The following MACROD1 variants were observed in gnomAD, a reference collection of about 807,000 sequenced individuals.
MACROD1 encodes the protein ADP-ribose glycohydrolase MACROD1.
MACROD1 carries 31 observed loss-of-function variants against 41.4 expected under a neutral mutation model. The ratio of observed to expected loss-of-function variants is 0.75; its 90% confidence interval spans 0.56 to 1.01. The LOEUF (loss-of-function observed/expected upper bound fraction) is 1.01. Ranked by LOEUF, MACROD1 falls within the 50% of genes least tolerant of loss-of-function variation. MACROD1 has a pLI of 0.00. For synonymous variants in MACROD1, 252 were observed against 203.4 expected (o/e 1.24, Z -2.03); for missense variants, 473 against 460.0 (o/e 1.03, Z -0.26).
intron 1 of MACROD1, among the ~76,000 whole-genome samples, chr11:64,159,061 C>T (rs547263163): frequency 2.6e-5 from 4 of 152,168 alleles, no homozygotes; most frequent in Admixed American, 2.6e-4. Context: ...GGGGCTCACA[C>T]CTGTAATTCC....
At chr11:64,149,805 C>T (rs996136780) in intron 3 of MACROD1, among the ~76,000 whole-genome samples, 14 of 152,262 alleles carry the variant, frequency 9.2e-5, no homozygotes, top group Non-Finnish European at 1.5e-4. Context: ...TCCAGGCCAG[C>T]CCCTCCTGGG....
chr11:64,098,006 C>A (rs900308665), intron 3 of MACROD1, among the ~76,000 whole-genome samples: 1 of 152,142 alleles, frequency 6.6e-6, no homozygotes, highest in Non-Finnish European at 1.5e-5. Context: ...CCCAAGTTGG[C>A]CCCTTCCCTT....
chr11:64,119,687 A>G (rs1256154330), intron 3 of MACROD1, among the ~76,000 whole-genome samples: 2 of 152,112 alleles, frequency 1.3e-5, no homozygotes, highest in African/African-American at 4.8e-5. Context: ...CTTGAGAGGG[A>G]GAGACCAGAT....
intron 3 of MACROD1, among the ~76,000 whole-genome samples, chr11:64,025,505 A>G (rs578001): frequency 0.48 from 73,496 of 152,066 alleles, 18,101 homozygotes; most frequent in South Asian, 0.64. Flanking sequence ...ACAAAACAGC[A>G]GAAGCCCCCT....
intron 3 of MACROD1, among the ~76,000 whole-genome samples, chr11:64,114,258 G>GGATT (rs199690741): frequency 5.7e-4 from 85 of 149,912 alleles, no homozygotes; most frequent in Admixed American, 2.9e-3. Flanking sequence ...ATGGTTAGGT[G>GGATT]GATGGATGGA....
chr11:64,097,429 G>A (rs1222074130), intron 3 of MACROD1, among the ~76,000 whole-genome samples: 2 of 152,368 alleles, frequency 1.3e-5, no homozygotes, highest in African/African-American at 4.8e-5. Flanking sequence ...CGTCCTGGGC[G>A]AGTGGGCCCC....
intron 3 of MACROD1, among the ~76,000 whole-genome samples, chr11:64,042,670 A>G (rs879829675): frequency 3.3e-5 from 5 of 152,136 alleles, no homozygotes; most frequent in Non-Finnish European, 5.9e-5. Context: ...TACCGGTCCC[A>G]GGGAGATAGA....
chr11:64,000,707 G>GTTTCAC (rs1565189409), intron 4 of MACROD1, among the ~76,000 whole-genome samples: 1 of 151,558 alleles, frequency 6.6e-6, no homozygotes, highest in Non-Finnish European at 1.5e-5. Flanking sequence ...TGACGGGGAA[G>GTTTCAC]CTTCCTCCCC....
In MACROD1 at chr11:64,151,362, C is replaced by A. The variant is rs1033940271; in HGVS notation, c.401-7G>T. ...TCCACCTTCACAGCCACCCCTGGAA[C>A]AAGTAGGGGCCGGGGAGGTCACAGC... On this transcript the variant is annotated splice_polypyrimidine_tract_variant and splice_region_variant and intron_variant, in intron 2 of 10. Coordinates refer to ENST00000255681, the MANE Select transcript of MACROD1 (RefSeq NM_014067.4). 5 of 1,607,236 alleles carry A rather than the reference C, an allele frequency of 3.1e-6. No homozygotes were observed. The East Asian group carries it at 8.9e-5, about 29-fold the overall frequency.
chr11:64,150,998 C>G (rs568493737), intron 3 of MACROD1, among the ~76,000 whole-genome samples: 5 of 152,248 alleles, frequency 3.3e-5, no homozygotes, highest in African/African-American at 9.6e-5. Context: ...AGCTCTCCCC[C>G]TTCCCCGGCC....
intron 3 of MACROD1, among the ~76,000 whole-genome samples, chr11:64,130,698 C>A (rs1001088163): frequency 6.6e-6 from 1 of 152,182 alleles, no homozygotes; most frequent in Non-Finnish European, 1.5e-5. Flanking sequence ...CCCACACATG[C>A]CGCTGCCTCC....
Position 64,120,151 on chromosome 11 carries a change from G to A in MACROD1, c.517+31088C>T, listed in dbSNP as rs1945073426. On this transcript the variant is annotated intron_variant, in intron 3 of 10. Transcript: ENST00000255681. The surrounding 1 kb of genome is among the most constrained non-coding windows in gnomAD (Gnocchi z 4.5). Reference sequence around the variant, plus strand: ...CCGCCACCTTCAGTGAGGAGATGGGGCTGAAAGGAGCGGACACAACAGCCA... The same window carrying A: ...CCGCCACCTTCAGTGAGGAGATGGGACTGAAAGGAGCGGACACAACAGCCA... Among the ~76,000 whole-genome samples the A allele has an allele frequency of 6.6e-6, 1 of 152,216 alleles. No individual in the cohort carries two copies. Among genetic ancestry groups the A allele is most frequent in the Admixed American group, 6.5e-5 (1 of 15,286 alleles).
Position 64,073,094 on chromosome 11 carries a change from G to C in MACROD1, c.518-57813C>G, listed in dbSNP as rs556130018. On this transcript the variant is annotated intron_variant, in intron 3 of 10. Transcript: ENST00000255681. ...ACTTGTCCCTGCTCCAGGGTGCCCAGACACATGCAAAGAGGCTGCGGAGGG... is the reference window on the plus strand; with the variant it reads ...ACTTGTCCCTGCTCCAGGGTGCCCACACACATGCAAAGAGGCTGCGGAGGG... Among the ~76,000 whole-genome samples the C allele has an allele frequency of 2.4e-4, 36 of 152,324 alleles. 1 individual carries two copies. The highest frequency in any genetic ancestry group is 8.2e-4 in the African/African-American group (34 of 41,580).
intron 1 of MACROD1, 122 bp downstream of exon 1, chr11:64,165,575 G>A (rs1274522584): frequency 1.4e-5 from 12 of 861,970 alleles, no homozygotes; most frequent in South Asian, 2.7e-5. Flanking sequence ...CAGGGCAGAT[G>A]GGGCCTCAAC....
rs892710281 is a variant in MACROD1, at chr11:64,120,003, C to T, written c.517+31236G>A. On this transcript the variant is annotated intron_variant, in intron 3 of 10. Transcript: ENST00000255681. This position sits in a 1 kb window ranked among gnomAD's most constrained non-coding sequence, Gnocchi z 4.5. The stretch of plus-strand genomic sequence containing the variant: ...GAACGTCAAAGAGGAGATGCTGGTC[C>T]GAGGGCAGGAGGATGAGAGGGCTGG... Among the ~76,000 whole-genome samples the T allele has an allele frequency of 6.6e-6, 1 of 152,108 alleles. No individual in the cohort carries two copies. Among genetic ancestry groups the T allele is most frequent in the East Asian group, 1.9e-4 (1 of 5,186 alleles).
chr11:64,093,156 G>T (rs535754817), intron 3 of MACROD1, among the ~76,000 whole-genome samples: 1 of 152,328 alleles, frequency 6.6e-6, no homozygotes, highest in South Asian at 2.1e-4. Flanking sequence ...TAATAACAGT[G>T]CCTGTGCATT....
intron 3 of MACROD1, among the ~76,000 whole-genome samples, chr11:64,048,717 CA>C (rs1026940769): frequency 2.6e-5 from 4 of 152,174 alleles, no homozygotes; most frequent in Non-Finnish European, 5.9e-5. Context: ...ATGAGAAAAC[CA>C]AGGCTCTGCA....
intron 3 of MACROD1, among the ~76,000 whole-genome samples, chr11:64,095,764 C>T (rs975393689): frequency 2.0e-4 from 30 of 152,328 alleles, no homozygotes; most frequent in Non-Finnish European, 4.1e-4. Flanking sequence ...AGCACTAGCA[C>T]GGAGCCCTTG....
chr11:64,027,737 A>G (rs2134358657), intron 3 of MACROD1, among the ~76,000 whole-genome samples: 1 of 152,114 alleles, frequency 6.6e-6, no homozygotes, highest in South Asian at 2.1e-4. Flanking sequence ...CGCTGCCTGT[A>G]AGCACTACAC....
Sources: gnomAD v4.1 joint callset for allele counts (sites outside exome capture counted in the v4.1 genomes callset) on GRCh38, gnomAD v4.1.1 for gene constraint, Gnocchi (gnomAD v3.1) non-coding constraint, MANE v1.5 for transcripts, NCBI Gene and HGNC (gene_info 2026-07-23, HGNC 2026-07-21) for gene names.